TGFBR1: variants seen among roughly 807,000 people sequenced by gnomAD.
TGFBR1 encodes the protein TGF-beta receptor type-1.
TGFBR1 carries 20 observed loss-of-function variants against 55.1 expected under a neutral mutation model. That is an observed-to-expected ratio of 0.36 (90% CI 0.26 to 0.53). The LOEUF is 0.53. TGFBR1 is among the 20% of genes least tolerant of loss of function. The pLI, the probability that TGFBR1 is intolerant of heterozygous loss-of-function variation, is 0.91. For missense variants in TGFBR1, 385 were observed against 617.6 expected, an observed-to-expected ratio of 0.62 and a Z score of 3.99; for synonymous variants, 220 against 214.8, an observed-to-expected ratio of 1.02 and a Z score of -0.21.
At chr9:99,142,433 T>C in intron 4 of TGFBR1, 103 bp from the exon 5 acceptor site, 1 of 1,239,558 alleles carries the variant, frequency 8.1e-7, no homozygotes, top group Non-Finnish European at 1.2e-6. Flanking sequence ...TGGCATTATA[T>C]TGCAGTGTGT....
rs368380699 is a variant in TGFBR1 at position 99,149,662 on chromosome 9, A to T, written c.*357A>T. On this transcript the variant is annotated 3_prime_UTR_variant, in exon 9 of 9. Coordinates refer to ENST00000374994, the MANE Select transcript of TGFBR1 (RefSeq NM_004612.4). ...GGCAAAGGAGTTGGATTGCTGAATTACAATGAAACATGTCTTATTACTAAA... is the reference window on the plus strand; with the variant it reads ...GGCAAAGGAGTTGGATTGCTGAATTTCAATGAAACATGTCTTATTACTAAA... 4 of 341,120 alleles carry T rather than the reference A, an allele frequency of 1.2e-5. No individual in the cohort carries two copies. The highest frequency in any genetic ancestry group is 9.5e-5 in the East Asian group (2 of 21,124). 21.1% of individuals were successfully genotyped at this position (341,120 alleles called of 1,614,324 possible).
In TGFBR1 at chr9:99,151,208, TC is replaced by T; in HGVS notation, c.*1904del. ...TGTCAATTTCATGTGTTTAAAAACA[TC>T]ATGGGAAAAATGCTTAGAGGTTACT... On this transcript the variant is annotated 3_prime_UTR_variant, in exon 9 of 9. Coordinates refer to ENST00000374994, the MANE Select transcript of TGFBR1 (RefSeq NM_004612.4). 1 of 231,352 alleles carries T rather than the reference TC, an allele frequency of 4.3e-6. No individual in the cohort carries two copies. Among genetic ancestry groups the T allele is most frequent in the Non-Finnish European group, 8.6e-6 (1 of 116,882 alleles). 14.3% of individuals were successfully genotyped at this position (231,352 alleles called of 1,614,324 possible). A position where few individuals can be genotyped will look rare whatever the true frequency, so the allele number is the denominator to read the frequency against.
intron 1 of TGFBR1, among the ~76,000 whole-genome samples, chr9:99,112,297 C>T (rs1049028028): frequency 6.6e-6 from 1 of 152,084 alleles, no homozygotes; most frequent in East Asian, 1.9e-4. Flanking sequence ...TGTTCCCTTG[C>T]TTGTGTGCTC....
rs1302740134 is a variant in TGFBR1, at chr9:99,144,841, C to G, written c.1083C>G (p.Ala361=). 1 of 1,613,958 alleles carries G rather than the reference C, an allele frequency of 6.2e-7. No homozygotes were observed. Among genetic ancestry groups the G allele is most frequent in the Admixed American group, 1.7e-5 (1 of 60,014 alleles). Residue 361 remains alanine, a synonymous_variant, in exon 6 of 9, where the codon GCC becomes GCG. Transcript: ENST00000374994. ...GACTGGCAGTAAGACATGATTCAGC[C>G]ACAGATACCATTGATATTGCTCCAA... is the stretch of plus-strand genomic sequence containing the variant. ...DLGLAVRHDS[A]TDTIDIAPNH...
At chr9:99,106,505 C>A (rs1033985904) in intron 1 of TGFBR1, among the ~76,000 whole-genome samples, 1 of 152,186 alleles carries the variant, frequency 6.6e-6, no homozygotes, top group African/African-American at 2.4e-5. Flanking sequence ...ATGTATTGTG[C>A]ATTACTACGA....
chr9:99,148,859 G>A (rs1310280243), intron 8 of TGFBR1, among the ~76,000 whole-genome samples: 1 of 151,554 alleles, frequency 6.6e-6, no homozygotes, highest in African/African-American at 2.4e-5. Context: ...AGAAAAATTT[G>A]ATGTGAATAC....
chr9:99,143,245 C>T (rs1351780501), intron 5 of TGFBR1, among the ~76,000 whole-genome samples: 10 of 152,160 alleles, frequency 6.6e-5, no homozygotes, highest in African/African-American at 2.2e-4. Flanking sequence ...TTAAAAGTAG[C>T]ATTCAATCTT....
rs760422619 is a variant in TGFBR1, at chr9:99,132,604, A to G, written c.439A>G (p.Ile147Val). Residue 147 changes from isoleucine (I) to valine (V), a missense_variant, in exon 3 of 9, where the codon ATC (isoleucine) becomes GTC (valine). Coordinates refer to ENST00000374994, the MANE Select transcript of TGFBR1 (RefSeq NM_004612.4). ...VCISLMLMVY[I>V]CHNRTVIHHR... ...CATCTCACTCATGTTGATGGTCTAT[A>G]TCTGCCACAACCGCACTGTCATTCA... 6.2e-6 allele frequency: 10 copies of G among 1,614,162 alleles called. No homozygotes were observed. The South Asian group carries it at 9.9e-5, about 16-fold the overall frequency.
In TGFBR1 at chr9:99,149,327, C is replaced by G. The variant is rs754777682; in HGVS notation, c.*22C>G. 2.5e-6 allele frequency: 4 copies of G among 1,613,140 alleles called. No individual in the cohort carries two copies. Among genetic ancestry groups the G allele is most frequent in the Admixed American group, 3.3e-5 (2 of 59,980 alleles). Reference sequence around the variant, plus strand: ...GTAATTCTACAGCTTTGCCTGAACTCTCCTTTTTTCTTCAGATCTGCTCCT... The same window carrying G: ...GTAATTCTACAGCTTTGCCTGAACTGTCCTTTTTTCTTCAGATCTGCTCCT... On this transcript the variant is annotated 3_prime_UTR_variant, in exon 9 of 9. Transcript: ENST00000374994.
intron 1 of TGFBR1, among the ~76,000 whole-genome samples, chr9:99,124,166 G>A (rs944763438): frequency 6.6e-6 from 1 of 152,084 alleles, no homozygotes; most frequent in African/African-American, 2.4e-5. Flanking sequence ...TGCTGGTGAA[G>A]CTTTTCTTGA....
In TGFBR1 at chr9:99,128,475, T is replaced by TAAAAAA. The variant is rs66612011; in HGVS notation, c.98-361_98-356dup. 8.2e-3 allele frequency among the ~76,000 whole-genome samples: 849 copies of TAAAAAA among 103,978 alleles called. 4 individuals are homozygous for TAAAAAA. Among genetic ancestry groups the TAAAAAA allele is most frequent in the East Asian group, 0.029 (94 of 3,208 alleles). The allele number at this position is 103,978 out of a possible 152,430, so 68.2% of individuals were successfully genotyped here. Reference sequence around the variant, plus strand: ...ATGTGAATGTTTAGTTTGGGCCTGGTAAAAAAAAAAAAAAAAAAAAAAAAG... The same window carrying TAAAAAA: ...ATGTGAATGTTTAGTTTGGGCCTGGTAAAAAAAAAAAAAAAAAAAAAAAAAAAAAAG... On this transcript the variant is annotated intron_variant, in intron 1 of 8. Transcript: ENST00000374994.
Position 99,129,208 on chromosome 9 carries a change from G to A in TGFBR1, c.343+108G>A, listed in dbSNP as rs147888375. 258 of 1,259,610 alleles carry A rather than the reference G, an allele frequency of 2.0e-4. 1 individual carries two copies. Among genetic ancestry groups the A allele is most frequent in the South Asian group, 1.6e-3 (128 of 78,322 alleles). 78.0% of individuals were successfully genotyped at this position (1,259,610 alleles called of 1,614,324 possible). Reference sequence around the variant, plus strand: ...AAAATTGTCTAATCCAGCTCATTCCGTTTAGAGGCAAGAAGTGACTTGTCC... The same window carrying A: ...AAAATTGTCTAATCCAGCTCATTCCATTTAGAGGCAAGAAGTGACTTGTCC... On this transcript the variant is annotated intron_variant, in intron 2 of 8. Transcript: ENST00000374994.
At chr9:99,125,623 A>G (rs1458085262) in intron 1 of TGFBR1, among the ~76,000 whole-genome samples, 1 of 152,188 alleles carries the variant, frequency 6.6e-6, no homozygotes, top group Admixed American at 6.5e-5. Context: ...TACAATGACC[A>G]TGAAACTTAT....
intron 4 of TGFBR1, among the ~76,000 whole-genome samples, chr9:99,139,668 A>G (rs763133289): frequency 7.2e-5 from 11 of 152,194 alleles, no homozygotes; most frequent in Non-Finnish European, 4.4e-5. Flanking sequence ...CCACACTACC[A>G]TTGTCAGTTT....
chr9:99,132,312 A>G (rs938265630), intron 2 of TGFBR1, among the ~76,000 whole-genome samples, 197 bp from the exon 3 acceptor site: 21 of 152,168 alleles, frequency 1.4e-4, no homozygotes, highest in African/African-American at 3.9e-4. Context: ...GCTGGTGTGC[A>G]TAAAAGGAGG....
At chr9:99,116,248 C>T (rs764212907) in intron 1 of TGFBR1, among the ~76,000 whole-genome samples, 2 of 151,122 alleles carry the variant, frequency 1.3e-5, no homozygotes, top group Non-Finnish European at 2.9e-5. Context: ...TCAGATCCAG[C>T]CTGCTCTTGC....
At position 99,105,282 on chromosome 9, in the gene TGFBR1, C is replaced by CGCT. The variant is rs1341324939; in HGVS notation, c.81_83dup (p.Leu28dup). The CGCT allele has an allele frequency of 9.9e-7, 1 of 1,007,276 alleles. No individual in the cohort carries two copies. The highest frequency in any genetic ancestry group is 4.5e-5 in the South Asian group (1 of 22,398). The allele number at this position is 1,007,276 out of a possible 1,614,324, so 62.4% of individuals were successfully genotyped here. ...GCGGCGGCGGCGGCGGCGGCGGCGGCGCTGCTCCCGGGGGCGACGGGTGAG... is the reference window on the plus strand; with the variant it reads ...GCGGCGGCGGCGGCGGCGGCGGCGGCGCTGCTGCTCCCGGGGGCGACGGGTGAG... On this transcript the variant is annotated inframe_insertion, in exon 1 of 9. Transcript: ENST00000374994.
rs868345067 is a variant in TGFBR1, at chr9:99,135,229, G to A, written c.574+2490G>A. 1.9e-4 allele frequency among the ~76,000 whole-genome samples: 29 copies of A among 152,210 alleles called. No individual in the cohort carries two copies. In the Middle Eastern group the frequency reaches 0.01, roughly 54 times the overall value. On this transcript the variant is annotated intron_variant, in intron 3 of 8. Coordinates refer to ENST00000374994, the MANE Select transcript of TGFBR1 (RefSeq NM_004612.4). Reference sequence around the variant, plus strand: ...CCTCCTTTGCCTGTCATAGTTCATTGTGTACTGAATTCCCTCCAAACCTAT... The same window carrying A: ...CCTCCTTTGCCTGTCATAGTTCATTATGTACTGAATTCCCTCCAAACCTAT...
intron 1 of TGFBR1, 150 bp downstream of exon 1, chr9:99,105,452 G>T (rs1423524627): frequency 1.1e-4 from 79 of 692,248 alleles, no homozygotes; most frequent in Non-Finnish European, 1.3e-4. Flanking sequence ...GGCGCCGCGC[G>T]GCTCGGCGGC....
Sources: gnomAD v4.1 joint callset for allele counts (sites outside exome capture counted in the v4.1 genomes callset) on GRCh38, gnomAD v4.1.1 for gene constraint, MANE v1.5 for transcripts, NCBI Gene and HGNC (gene_info 2026-07-23, HGNC 2026-07-21) for gene names.